The following ALDH4A1 variants were observed in gnomAD, a reference collection of about 807,000 sequenced individuals.
ALDH4A1 encodes aldehyde dehydrogenase 4 family member A1.
In ALDH4A1, 46 loss-of-function variants were observed where a neutral mutation model predicts 70.5. That is an observed-to-expected ratio of 0.65 (90% CI 0.51 to 0.83). The LOEUF is 0.83. Ranked by LOEUF, ALDH4A1 falls within the 40% of genes least tolerant of loss-of-function variation. ALDH4A1 has a pLI of 0.00. For synonymous variants in ALDH4A1, 323 were observed against 324.3 expected (o/e 1.00, Z 0.04); for missense variants, 749 against 766.5 (o/e 0.98, Z 0.27).
intron 1 of ALDH4A1, among the ~76,000 whole-genome samples, chr1:18,901,788 C>A (rs1347378166): frequency 6.6e-6 from 1 of 152,086 alleles, no homozygotes; most frequent in Non-Finnish European, 1.5e-5. Flanking sequence ...TCAGTGCACT[C>A]CCCATGTATT....
rs751732137 is a variant in ALDH4A1, at chr1:18,877,497, C to T, written c.1056G>A (p.Ser352=). The change falls in exon 10 of 15, where the codon TCG becomes TCA. Residue 352 remains serine (S), a synonymous_variant. Transcript: ENST00000375341. ...ACAGCGAGTGCGGCACGTAGAGACGCGAGCACGCGGAACACTTCTGGCCAC... is the reference window on the plus strand; with the variant it reads ...ACAGCGAGTGCGGCACGTAGAGACGTGAGCACGCGGAACACTTCTGGCCAC... ...EYGGQKCSAC[S]RLYVPHSLWP... is the part of the protein sequence containing the mutation. The T allele has an allele frequency of 4.4e-6, 7 of 1,606,626 alleles. No individual in the cohort carries two copies. The highest frequency in any genetic ancestry group is 5.9e-6 in the Non-Finnish European group (7 of 1,177,004).
chr1:18,876,412 G>T lies in ALDH4A1; in HGVS notation c.1241C>A (p.Thr414Asn). Residue 414 changes from threonine to asparagine, a missense_variant, in exon 12 of 15, where the codon ACC becomes AAC. By Grantham distance (65) the Thr-to-Asn change is moderately conservative (BLOSUM62 0). Transcript: ENST00000375341. ...ATCACACTTGCCCCCGGCCAGGATG[G>T]TGAGGCTGGGTGAGGAGCGTGCGTG... ...LEHARSSPSL[T>N]ILAGGKCDDS... 6.2e-7 allele frequency: 1 copy of T among 1,612,552 alleles called. No individual in the cohort carries two copies.
At position 18,872,857 on chromosome 1, in the gene ALDH4A1, C is replaced by G. The variant is rs1236721806; in HGVS notation, c.1680G>C (p.Ala560=). Residue 560 remains alanine, a synonymous_variant, in exon 15 of 15, where the codon GCG becomes GCC. Coordinates refer to ENST00000375341, the MANE Select transcript of ALDH4A1 (RefSeq NM_003748.4). ...GCCCGAGAGGGGCTCACTGCATGTACGCGTAGCTCCAGTCCCCCAGGGGCT... is the reference window on the plus strand; with the variant it reads ...GCCCGAGAGGGGCTCACTGCATGTAGGCGTAGCTCCAGTCCCCCAGGGGCT... The part of the protein sequence containing the change: ...THKPLGDWSY[A]YMQ 6.2e-7 allele frequency: 1 copy of G among 1,613,702 alleles called. No homozygotes were observed.
chr1:18,884,724 C>T (rs147378984), intron 5 of ALDH4A1, among the ~76,000 whole-genome samples: 17 of 152,304 alleles, frequency 1.1e-4, no homozygotes, highest in African/African-American at 3.9e-4. Context: ...GCAATCTGAG[C>T]TGTAACTGAT....
Position 18,898,168 on chromosome 1 carries a change from C to A in ALDH4A1, c.62+4294G>T, listed in dbSNP as rs1389530764. 2.6e-5 allele frequency among the ~76,000 whole-genome samples: 4 copies of A among 151,106 alleles called. No individual in the cohort carries two copies. Among genetic ancestry groups the A allele is most frequent in the South Asian group, 2.1e-4 (1 of 4,788 alleles). On this transcript the variant is annotated intron_variant, in intron 1 of 14. Transcript: ENST00000375341. This position sits in a 1 kb window ranked among gnomAD's most constrained non-coding sequence, Gnocchi z 4.3. ...CCGTCTCTACGAAAAAAAAAAAATA[C>A]AAAAATTAGCTGGGTATGGTGATGT...
chr1:18,876,587 C>G, intron 11 of ALDH4A1, 120 bp from the exon 12 acceptor site: 3 of 1,234,702 alleles, frequency 2.4e-6, no homozygotes, highest in Non-Finnish European at 3.3e-6. Flanking sequence ...GAAACAGGGG[C>G]AGGGGTAGGG....
At chr1:18,884,923 T>A (rs1381877463) in intron 5 of ALDH4A1, among the ~76,000 whole-genome samples, 2 of 152,142 alleles carry the variant, frequency 1.3e-5, no homozygotes, top group Non-Finnish European at 2.9e-5. Flanking sequence ...ATGCCTGCCA[T>A]GGCCGGGGAG....
chr1:18,883,292 T>A lies in ALDH4A1; in HGVS notation c.590A>T (p.Tyr197Phe), dbSNP rs1434669933. ...SVPPSTNSTV[Y>F]RGLEGFVAAI... is the part of the protein sequence containing the mutation. ...TCCTGCAGGTACCTCCAGACCCCGG[T>A]ACACCGTGCTGTTGGTGCTCGGGGG... Residue 197 changes from tyrosine to phenylalanine, a missense_variant, in exon 6 of 15, where the codon TAC becomes TTC. Physicochemically the swap from Tyr to Phe is conservative, Grantham distance 22 (BLOSUM62 3). Transcript: ENST00000375341. 2 of 1,613,238 alleles carry A rather than the reference T, an allele frequency of 1.2e-6. No individual in the cohort carries two copies. The highest frequency in any genetic ancestry group is 1.7e-6 in the Non-Finnish European group (2 of 1,180,034).
rs184939211 is a variant in ALDH4A1 at position 18,880,324 on chromosome 1, C to T, written c.867-951G>A. On this transcript the variant is annotated intron_variant, in intron 8 of 14. Coordinates refer to ENST00000375341, the MANE Select transcript of ALDH4A1 (RefSeq NM_003748.4). This position sits in a 1 kb window ranked among gnomAD's most constrained non-coding sequence, Gnocchi z 5.1. Reference sequence around the variant, plus strand: ...GACCAACAGGAGATTCATCTTCCCCCGAGCCCGCTCGCCCTCCCAGGTGCC... The same window carrying T: ...GACCAACAGGAGATTCATCTTCCCCTGAGCCCGCTCGCCCTCCCAGGTGCC... Among the ~76,000 whole-genome samples the T allele has an allele frequency of 6.6e-5, 10 of 152,262 alleles. No homozygotes were observed. Among genetic ancestry groups the T allele is most frequent in the South Asian group, 6.2e-4 (3 of 4,820 alleles).
chr1:18,885,357 T>A, intron 5 of ALDH4A1, 116 bp downstream of exon 5: 1 of 1,048,790 alleles, frequency 9.5e-7, no homozygotes, highest in Non-Finnish European at 1.4e-6. Context: ...CATCTCTGGG[T>A]CCCCAAAAGG....
intron 7 of ALDH4A1, among the ~76,000 whole-genome samples, chr1:18,882,401 G>A (rs913831470): frequency 2.6e-5 from 4 of 152,110 alleles, no homozygotes; most frequent in East Asian, 3.9e-4. Flanking sequence ...CGGGGTTCCC[G>A]ACAACTATGT....
At position 18,886,457 on chromosome 1, in the gene ALDH4A1, C is replaced by T. The variant is rs765930384; in HGVS notation, c.297+7G>A. On this transcript the variant is annotated splice_region_variant and intron_variant, in intron 4 of 14. Transcript: ENST00000375341. The stretch of plus-strand genomic sequence containing the variant: ...CCCCGGGTCACCAGGCACACAGGCT[C>T]ACTCACCTTGTCTGCATAACAGAAC... 4 of 1,614,148 alleles carry T rather than the reference C, an allele frequency of 2.5e-6. No individual in the cohort carries two copies. In the South Asian group the frequency reaches 4.4e-5, roughly 18 times the overall value.
rs1290198268 is a variant in ALDH4A1 at position 18,881,702 on chromosome 1, CA to C, written c.863del (p.Val288GlyfsTer46). The C allele has an allele frequency of 6.2e-7, 1 of 1,613,998 alleles. No individual in the cohort carries two copies. Among genetic ancestry groups the C allele is most frequent in the Admixed American group, 1.7e-5 (1 of 60,018 alleles). On this transcript the variant is annotated frameshift_variant, in exon 8 of 15. Transcript: ENST00000375341. LOFTEE classifies it high-confidence loss of function. ...CTACACCATCCCCAGGGACTTACGG[CA>C]CACTGCCTGTGAAGTTGATGCCACA... ...HLCGINFTGS[V>X]PTFKHLWKQV... is the part of the protein sequence containing the mutation.
At chr1:18,884,668 A>G (rs1935121105) in intron 5 of ALDH4A1, among the ~76,000 whole-genome samples, 1 of 152,226 alleles carries the variant, frequency 6.6e-6, no homozygotes, top group Non-Finnish European at 1.5e-5. Flanking sequence ...ACTATGTCCA[A>G]AAAGCTTGTA....
At chr1:18,882,032 C>A in intron 7 of ALDH4A1, 145 bp from the exon 8 acceptor site, 1 of 851,256 alleles carries the variant, frequency 1.2e-6, no homozygotes. Context: ...CGACCCCACT[C>A]CTCCAAGGCG....
chr1:18,887,555 C>A (rs1321577587), intron 3 of ALDH4A1, among the ~76,000 whole-genome samples: 1 of 152,022 alleles, frequency 6.6e-6, no homozygotes, highest in South Asian at 2.1e-4. Context: ...GCCGAGATCG[C>A]ACCACTGCAC....
At chr1:18,897,299 T>C (rs1935654291) in intron 1 of ALDH4A1, among the ~76,000 whole-genome samples, 1 of 152,124 alleles carries the variant, frequency 6.6e-6, no homozygotes. Flanking sequence ...TCCCAGCGCT[T>C]TGGGAGGCGG....
intron 1 of ALDH4A1, among the ~76,000 whole-genome samples, chr1:18,894,865 C>CTTTTTTTTTTTTTTT (rs34445898): frequency 9.1e-6 from 1 of 109,968 alleles, no homozygotes; most frequent in African/African-American, 3.5e-5. Context: ...TTCTTTCTTT[C>CTTTTTTTTTTTTTTT]TTTTTTTTTT....
Position 18,882,315 on chromosome 1 carries a change from A to G in ALDH4A1, c.679-428T>C, listed in dbSNP as rs72651877. Among the ~76,000 whole-genome samples, 917 of 152,132 alleles carry G rather than the reference A, an allele frequency of 6.0e-3. 1 individual carries two copies. The highest frequency in any genetic ancestry group is 0.014 in the Middle Eastern group (4 of 294). On this transcript the variant is annotated intron_variant, in intron 7 of 14. Transcript: ENST00000375341. ...CCATGCACCGTGTTTGTCTGTGCAC[A>G]GATGCATGAGGACGTCCCCATCCAT...
Sources: gnomAD v4.1 joint callset for allele counts (sites outside exome capture counted in the v4.1 genomes callset) on GRCh38, gnomAD v4.1.1 for gene constraint, Gnocchi (gnomAD v3.1) non-coding constraint, MANE v1.5 for transcripts, NCBI Gene and HGNC (gene_info 2026-07-23, HGNC 2026-07-21) for gene names.